Variants in PTPRM observed in about 807,000 individuals in gnomAD.
PTPRM encodes protein tyrosine phosphatase receptor type M.
Under a neutral mutation model 186.7 loss-of-function variants are expected in PTPRM, and 47 were observed. The ratio of observed to expected loss-of-function variants is 0.25; its 90% confidence interval spans 0.20 to 0.32. The LOEUF is 0.32. Among genes scored for constraint, PTPRM ranks in the 10% least tolerant of loss-of-function variants. The probability of loss-of-function intolerance (pLI) is 1.00; values close to 1 mark genes in which losing one functional copy is unlikely to be tolerated. For synonymous variants in PTPRM, 668 were observed against 674.9 expected (o/e 0.99, Z 0.16); for missense variants, 1,494 against 1,865.0 (o/e 0.80, Z 3.66).
At position 7,893,138 on chromosome 18, in the gene PTPRM, G is replaced by A. The variant is rs116163856; in HGVS notation, c.468+4761G>A. Reference sequence around the variant, plus strand: ...GTTGGGAAAATTTTTATTTTAAAATGGAAATGGAAATATACAGGAAAAGCT... The same window carrying A: ...GTTGGGAAAATTTTTATTTTAAAATAGAAATGGAAATATACAGGAAAAGCT... On this transcript the variant is annotated intron_variant, in intron 3 of 32. Coordinates refer to ENST00000580170, the MANE Select transcript of PTPRM (RefSeq NM_001105244.2). 5.0e-3 allele frequency among the ~76,000 whole-genome samples: 758 copies of A among 152,164 alleles called. 6 individuals are homozygous for A. The highest frequency in any genetic ancestry group is 0.017 in the African/African-American group (707 of 41,518).
intron 1 of PTPRM, among the ~76,000 whole-genome samples, chr18:7,615,222 C>T (rs1314397738): frequency 6.6e-6 from 1 of 151,964 alleles, no homozygotes; most frequent in Non-Finnish European, 1.5e-5. Context: ...ATTAATGTAA[C>T]AATAAACAAA....
chr18:8,071,325 A>C (rs1180807737), intron 8 of PTPRM, among the ~76,000 whole-genome samples: 1 of 152,100 alleles, frequency 6.6e-6, no homozygotes, highest in Admixed American at 6.5e-5. Flanking sequence ...TTCTACTTCC[A>C]AAGTTTTAGA....
intron 21 of PTPRM, among the ~76,000 whole-genome samples, chr18:8,316,260 T>C (rs1414721422): frequency 1.3e-5 from 2 of 152,206 alleles, no homozygotes; most frequent in African/African-American, 4.8e-5. Flanking sequence ...GTCCTAGGCA[T>C]CTTACTTCCC....
At chr18:7,862,526 A>G (rs545272387) in intron 2 of PTPRM, among the ~76,000 whole-genome samples, 242 of 152,286 alleles carry the variant, frequency 1.6e-3, no homozygotes, top group Non-Finnish European at 2.5e-4. Flanking sequence ...AATTTTATCC[A>G]TGGACACCTC....
intron 14 of PTPRM, among the ~76,000 whole-genome samples, chr18:8,191,963 T>C (rs2093716240): frequency 6.6e-6 from 1 of 152,134 alleles, no homozygotes; most frequent in South Asian, 2.1e-4. Flanking sequence ...TTCTATATAT[T>C]CTTGTAGGAT....
chr18:7,692,354 T>C lies in PTPRM; in HGVS notation c.74-81795T>C, dbSNP rs7234305. 8.9e-3 allele frequency among the ~76,000 whole-genome samples: 1,029 copies of C among 115,142 alleles called. 19 individuals carry two copies. The highest frequency in any genetic ancestry group is 0.033 in the African/African-American group (975 of 29,680). 75.5% of individuals were successfully genotyped at this position (115,142 alleles called of 152,430 possible). A position where few individuals can be genotyped will look rare whatever the true frequency, so the allele number is the denominator to read the frequency against. Reference sequence around the variant, plus strand: ...GCTAGATCCCAGGAGGTTAAGGAGGTGGAGGATGGCTAGATCCCAGGAGGT... The same window carrying C: ...GCTAGATCCCAGGAGGTTAAGGAGGCGGAGGATGGCTAGATCCCAGGAGGT... On this transcript the variant is annotated intron_variant, in intron 1 of 32. Transcript: ENST00000580170.
In PTPRM at chr18:8,111,470, G is replaced by A. The variant is rs1318425412; in HGVS notation, c.1857-2016G>A. Among the ~76,000 whole-genome samples, 8 of 152,164 alleles carry A rather than the reference G, an allele frequency of 5.3e-5. No homozygotes were observed. In the East Asian group the frequency reaches 5.8e-4, roughly 11 times the overall value. ...TAAAAATACAAAAACAAAATTAGCC[G>A]GGTGTGGTGGCGGGCGCCTGTAGTT... is the stretch of plus-strand genomic sequence containing the variant. On this transcript the variant is annotated intron_variant, in intron 11 of 32. Coordinates refer to ENST00000580170, the MANE Select transcript of PTPRM (RefSeq NM_001105244.2).
chr18:7,709,372 C>T (rs2040163624), intron 1 of PTPRM, among the ~76,000 whole-genome samples: 1 of 151,842 alleles, frequency 6.6e-6, no homozygotes, highest in South Asian at 2.1e-4. Context: ...ATAATAGTGA[C>T]ACAACTTATC....
chr18:7,705,200 A>T (rs943952785), intron 1 of PTPRM, among the ~76,000 whole-genome samples: 1 of 152,144 alleles, frequency 6.6e-6, no homozygotes, highest in African/African-American at 2.4e-5. Flanking sequence ...ACGAGAAATA[A>T]ATACAAATTG....
intron 31 of PTPRM, among the ~76,000 whole-genome samples, chr18:8,390,815 C>A (rs1461267073): frequency 1.3e-5 from 2 of 151,994 alleles, no homozygotes; most frequent in Non-Finnish European, 2.9e-5. Context: ...GTAGTCCCAG[C>A]TACTTGGGAG....
At chr18:8,228,278 T>C (rs1335885505) in intron 14 of PTPRM, among the ~76,000 whole-genome samples, 1 of 152,052 alleles carries the variant, frequency 6.6e-6, no homozygotes, top group Admixed American at 6.5e-5. Context: ...CAGGGACTGA[T>C]AGAAAATGAG....
chr18:8,255,388 G>A (rs780488713), intron 19 of PTPRM, among the ~76,000 whole-genome samples: 1 of 152,154 alleles, frequency 6.6e-6, no homozygotes, highest in Non-Finnish European at 1.5e-5. Flanking sequence ...ATATTTGAAA[G>A]ATGTAGAAAA....
At chr18:8,387,450 G>A (rs886178178) in intron 31 of PTPRM, among the ~76,000 whole-genome samples, 9 of 150,600 alleles carry the variant, frequency 6.0e-5, no homozygotes, top group Admixed American at 6.0e-4. Context: ...TGCCGCACAA[G>A]CAAGCACTGA....
At chr18:8,017,223 T>G (rs2084925367) in intron 7 of PTPRM, among the ~76,000 whole-genome samples, 1 of 152,094 alleles carries the variant, frequency 6.6e-6, no homozygotes, top group Non-Finnish European at 1.5e-5. Context: ...CATATAGGTA[T>G]GACACTTTAT....
At chr18:8,117,690 A>G (rs1029972038) in intron 13 of PTPRM, among the ~76,000 whole-genome samples, 1 of 152,100 alleles carries the variant, frequency 6.6e-6, no homozygotes, top group Non-Finnish European at 1.5e-5. Context: ...CACCTAGATG[A>G]ATTTCCTATA....
At chr18:7,658,458 T>C (rs748957275) in intron 1 of PTPRM, among the ~76,000 whole-genome samples, 46 of 151,562 alleles carry the variant, frequency 3.0e-4, no homozygotes, top group Non-Finnish European at 6.0e-4. Context: ...GGATTTTAGC[T>C]TCAGACTTAC....
At chr18:8,263,425 A>C (rs1207412931) in intron 19 of PTPRM, among the ~76,000 whole-genome samples, 1 of 152,064 alleles carries the variant, frequency 6.6e-6, no homozygotes, top group African/African-American at 2.4e-5. Flanking sequence ...GAACATTTTT[A>C]ATACATGTTT....
chr18:8,181,287 T>C (rs2093570624), intron 14 of PTPRM, among the ~76,000 whole-genome samples: 2 of 152,186 alleles, frequency 1.3e-5, no homozygotes, highest in African/African-American at 4.8e-5. Flanking sequence ...GTCTTTTTTA[T>C]TTTGGGTAAT....
intron 22 of PTPRM, among the ~76,000 whole-genome samples, chr18:8,337,783 G>A (rs1453644584): frequency 6.6e-6 from 1 of 152,170 alleles, no homozygotes; most frequent in Non-Finnish European, 1.5e-5. Flanking sequence ...GGAGGACGCT[G>A]GGAAGGAGCG....
Sources: gnomAD v4.1 joint callset for allele counts (sites outside exome capture counted in the v4.1 genomes callset) on GRCh38, gnomAD v4.1.1 for gene constraint, MANE v1.5 for transcripts, NCBI Gene and HGNC (gene_info 2026-07-23, HGNC 2026-07-21) for gene names.